The following ACVR1 variants were observed in gnomAD, a reference collection of about 807,000 sequenced individuals.
ACVR1 encodes the protein activin A receptor type 1, also known as activin receptor type-1.
A neutral mutation model predicts 57.1 loss-of-function variants in ACVR1; 38 were observed. The observed-to-expected ratio is 0.67, with a 90% CI of 0.51 to 0.87. ACVR1 has a LOEUF of 0.87. Among genes scored for constraint, ACVR1 ranks in the 40% least tolerant of loss-of-function variants. ACVR1 has a pLI of 0.00. For missense variants in ACVR1, 463 were observed against 638.2 expected (o/e 0.73, Z 2.96); for synonymous variants, 212 against 228.1 (o/e 0.93, Z 0.63).
At chr2:157,779,052 A>T (rs1425912089) in intron 4 of ACVR1, among the ~76,000 whole-genome samples, 2 of 152,184 alleles carry the variant, frequency 1.3e-5, no homozygotes, top group Non-Finnish European at 2.9e-5. Flanking sequence ...GGCATACATC[A>T]TACTCCATGG....
At position 157,774,203 on chromosome 2, in the gene ACVR1, A is replaced by T. The variant is rs756227362; in HGVS notation, c.544-16T>A. The T allele has an allele frequency of 6.2e-7, 1 of 1,605,212 alleles. No homozygotes were observed. Among genetic ancestry groups the T allele is most frequent in the Non-Finnish European group, 8.5e-7 (1 of 1,172,032 alleles). On this transcript the variant is annotated splice_polypyrimidine_tract_variant and intron_variant, in intron 5 of 10. Transcript: ENST00000434821. ...CCAATAAATCCTGTGGTTTAAGACAAGGGGGAAAAGAAACGATTGAGCAAT... is the reference window on the plus strand; with the variant it reads ...CCAATAAATCCTGTGGTTTAAGACATGGGGGAAAAGAAACGATTGAGCAAT...
chr2:157,752,042 C>G (rs1270685326), intron 9 of ACVR1, among the ~76,000 whole-genome samples: 1 of 152,188 alleles, frequency 6.6e-6, no homozygotes, highest in African/African-American at 2.4e-5. Context: ...AAGACCCTCA[C>G]AGAGTCCATT....
At chr2:157,799,522 T>A in intron 2 of ACVR1, 22 bp from the exon 3 acceptor site, 1 of 1,576,144 alleles carries the variant, frequency 6.3e-7, no homozygotes, top group South Asian at 1.1e-5. Flanking sequence ...AAAGAAGAGA[T>A]GTAAGTAAAG....
At chr2:157,774,050 T>G (rs181521006) in intron 6 of ACVR1, 38 bp downstream of exon 6, 2 of 1,556,118 alleles carry the variant, frequency 1.3e-6, no homozygotes, top group Non-Finnish European at 1.8e-6. Context: ...AAACTAACAT[T>G]GCATATTACC....
At chr2:157,860,062 G>A (rs1199577315) in intron 1 of ACVR1, 1 of 152,084 alleles carries the variant, frequency 6.6e-6, no homozygotes, top group Non-Finnish European at 1.5e-5. Flanking sequence ...AACCTCATGA[G>A]GTGGGCACAG....
chr2:157,828,112 C>T (rs1410124761), intron 1 of ACVR1, among the ~76,000 whole-genome samples: 1 of 151,878 alleles, frequency 6.6e-6, no homozygotes. Flanking sequence ...TGCTTGAGCC[C>T]AGGAATTTTC....
intron 2 of ACVR1, among the ~76,000 whole-genome samples, chr2:157,807,449 C>G (rs893233862): frequency 1.3e-5 from 2 of 152,058 alleles, no homozygotes; most frequent in South Asian, 4.1e-4. Context: ...AGCCACGGTC[C>G]ACCTGCTTTG....
chr2:157,855,625 C>T (rs1248326318), intron 1 of ACVR1, among the ~76,000 whole-genome samples: 1 of 151,916 alleles, frequency 6.6e-6, no homozygotes, highest in Non-Finnish European at 1.5e-5. Flanking sequence ...ATCAGAAGTG[C>T]CAATGTTATA....
intron 1 of ACVR1, among the ~76,000 whole-genome samples, chr2:157,866,758 C>T (rs1377387681): frequency 1.3e-5 from 2 of 152,206 alleles, no homozygotes; most frequent in African/African-American, 4.8e-5. Context: ...AAGTTGGAGA[C>T]TGTTATTTTA....
intron 2 of ACVR1, among the ~76,000 whole-genome samples, chr2:157,815,384 T>G (rs1687896595): frequency 6.6e-6 from 1 of 152,166 alleles, no homozygotes; most frequent in Non-Finnish European, 1.5e-5. Context: ...CTTTTTAATC[T>G]TGTATACATT....
At chr2:157,857,279 T>C (rs1177226720) in intron 1 of ACVR1, among the ~76,000 whole-genome samples, 2 of 151,966 alleles carry the variant, frequency 1.3e-5, no homozygotes, top group Non-Finnish European at 2.9e-5. Flanking sequence ...GTCAAGACAA[T>C]GTGAAGTCCT....
chr2:157,817,537 G>A (rs1687982753), intron 2 of ACVR1, among the ~76,000 whole-genome samples: 1 of 152,120 alleles, frequency 6.6e-6, no homozygotes, highest in Non-Finnish European at 1.5e-5. Flanking sequence ...GCCTTTGGGT[G>A]ATAATGATAT....
intron 1 of ACVR1, among the ~76,000 whole-genome samples, chr2:157,841,575 C>T (rs1327299138): frequency 6.6e-6 from 1 of 152,164 alleles, no homozygotes; most frequent in Non-Finnish European, 1.5e-5. Context: ...TGCAGCAGCA[C>T]ACACTTGTAG....
At position 157,760,871 on chromosome 2, in the gene ACVR1, G is replaced by A; in HGVS notation, c.1264+9C>T. On this transcript the variant is annotated intron_variant, in intron 9 of 10. Transcript: ENST00000434821. The stretch of plus-strand genomic sequence containing the variant: ...ATTAAGACAATATTATATTAGATTA[G>A]ATACCTACCATTGCTCACCATCCGC... 6.2e-7 allele frequency: 1 copy of A among 1,613,508 alleles called. No individual in the cohort carries two copies.
intron 2 of ACVR1, among the ~76,000 whole-genome samples, chr2:157,805,813 CTTTTTTCTTTTTTTTTTTT>C (rs1410329795): frequency 1.0e-5 from 1 of 96,874 alleles, no homozygotes; most frequent in Non-Finnish European, 2.2e-5. Context: ...TTTTTTTTTT[CTTTTTTCTTTTTTTTTTTT>C]TTTTTTTTTG....
intron 1 of ACVR1, among the ~76,000 whole-genome samples, chr2:157,833,707 T>G (rs1242327108): frequency 2.6e-5 from 4 of 152,190 alleles, no homozygotes; most frequent in Non-Finnish European, 5.9e-5. Context: ...TTTTTTTTTT[T>G]ACTTTCTAAA....
chr2:157,856,120 C>T (rs79804864), intron 1 of ACVR1, among the ~76,000 whole-genome samples: 2,232 of 152,174 alleles, frequency 0.015, 47 homozygotes, highest in African/African-American at 0.049. Context: ...TATATCCTCC[C>T]AGCCCTTAGT....
intron 2 of ACVR1, among the ~76,000 whole-genome samples, chr2:157,811,605 T>C (rs1460314891): frequency 1.3e-5 from 2 of 152,198 alleles, no homozygotes; most frequent in Non-Finnish European, 2.9e-5. Flanking sequence ...TGAGGTATTT[T>C]AATGAGAATC....
At chr2:157,752,498 G>A (rs1574019715) in intron 9 of ACVR1, among the ~76,000 whole-genome samples, 2 of 152,164 alleles carry the variant, frequency 1.3e-5, no homozygotes, top group African/African-American at 4.8e-5. Flanking sequence ...TCAGAAGGTC[G>A]TTTATTAAGC....
Sources: allele counts gnomAD v4.1 joint callset (sites outside exome capture counted in the v4.1 genomes callset), GRCh38; gene constraint gnomAD v4.1.1; transcripts MANE v1.5; gene names NCBI Gene and HGNC (gene_info 2026-07-23, HGNC 2026-07-21).